The following XCL2 variants were observed in gnomAD, a reference collection of about 807,000 sequenced individuals.
XCL2 encodes the protein X-C motif chemokine ligand 2, also known as cytokine SCM-1 beta.
XCL2 carries 8 observed loss-of-function variants against 7.2 expected under a neutral mutation model. The ratio of observed to expected loss-of-function variants is 1.10; its 90% CI spans 0.65 to 1.99. The LOEUF (loss-of-function observed/expected upper bound fraction) is 1.99, where lower values mean the gene tolerates loss of function less well. Among genes scored for constraint, XCL2 ranks in the 30% most tolerant of loss-of-function variants. The pLI is 0.00. For synonymous variants in XCL2, 46 were observed against 54.2 expected (o/e 0.85, Z 0.67); for missense variants, 131 against 138.6 (o/e 0.94, Z 0.28).
At position 168,541,716 on chromosome 1, in the gene XCL2, A is replaced by G. The variant is rs149740232; in HGVS notation, c.176+277T>C. ...ATGAGCCAGCCATCTCTAAACCCAG[A>G]TCTCAGAGCTGTGCACAGTATTCAA... On this transcript the variant is annotated intron_variant, in intron 2 of 2. Transcript: ENST00000367819. 3.7e-3 allele frequency among the ~76,000 whole-genome samples: 557 copies of G among 152,254 alleles called. 3 individuals carry two copies. Among genetic ancestry groups the G allele is most frequent in the African/African-American group, 0.012 (505 of 41,548 alleles).
At chr1:168,541,520 A>G (rs1159864804) in intron 2 of XCL2, among the ~76,000 whole-genome samples, 1 of 152,134 alleles carries the variant, frequency 6.6e-6, no homozygotes, top group South Asian at 2.1e-4. Flanking sequence ...TGCAATATGT[A>G]TTGGGAAGAG....
chr1:168,541,006 G>A lies in XCL2; in HGVS notation c.291C>T (p.Thr97=). 6.2e-7 allele frequency: 1 copy of A among 1,613,630 alleles called. No homozygotes were observed. The highest frequency in any genetic ancestry group is 8.5e-7 in the Non-Finnish European group (1 of 1,179,708). The change falls in exon 3 of 3, where the codon ACC becomes ACT. Residue 97 remains threonine, a synonymous_variant. Coordinates refer to ENST00000367819, the MANE Select transcript of XCL2 (RefSeq NM_003175.4). ...KSNTRNNMIQ[T]KPTGTQQSTN... ...TCGATTGCTGGGTTCCTGTTGGCTT[G>A]GTCTGGATCATGTTATTTCTGGTGT...
intron 1 of XCL2, among the ~76,000 whole-genome samples, chr1:168,542,359 G>A (rs1480963203): frequency 1.3e-5 from 2 of 151,758 alleles, no homozygotes; most frequent in Admixed American, 6.6e-5. Context: ...ATAACAAGAT[G>A]TTATCCCGTC....
intron 2 of XCL2, 148 bp from the exon 3 acceptor site, chr1:168,541,268 C>T (rs1654275324): frequency 1.8e-6 from 2 of 1,131,910 alleles, no homozygotes; most frequent in African/African-American, 1.6e-5. Context: ...TAAATGAGCA[C>T]CCTTCTTCTG....
chr1:168,541,113 T>C lies in XCL2; in HGVS notation c.184A>G (p.Thr62Ala). 3 of 1,613,450 alleles carry C rather than the reference T, an allele frequency of 1.9e-6. No individual in the cohort carries two copies. Among genetic ancestry groups the C allele is most frequent in the Non-Finnish European group, 2.5e-6 (3 of 1,179,566 alleles). The change falls in exon 3 of 3, where the codon ACC becomes GCC. Residue 62 changes from threonine (T) to alanine (A), a missense_variant. By Grantham distance (58) the Thr-to-Ala change is moderately conservative. Coordinates refer to ENST00000367819, the MANE Select transcript of XCL2 (RefSeq NM_003175.4). ...EGSLRAVIFI[T>A]KRGLKVCADP... ...GCACAGACTTTTAGGCCACGTTTGG[T>C]AATAAAACTGTAACGCAAGGAAAAG...
chr1:168,543,321 G>T (rs1654331975), intron 1 of XCL2: 1 of 218,110 alleles, frequency 4.6e-6, no homozygotes, highest in Non-Finnish European at 9.2e-6. Flanking sequence ...GGGACATCCA[G>T]TCCACAGCAA....
chr1:168,543,342 C>T (rs563034392), intron 1 of XCL2: 8 of 204,416 alleles, frequency 3.9e-5, no homozygotes, highest in East Asian at 1.6e-4. Flanking sequence ...GCACTACTGT[C>T]GCCTTCACAC....
rs1314342696 is a variant in XCL2, at chr1:168,541,029, T to G, written c.268A>C (p.Thr90Pro). The G allele has an allele frequency of 3.7e-6, 6 of 1,613,540 alleles. No homozygotes were observed. Among genetic ancestry groups the G allele is most frequent in the Non-Finnish European group, 5.1e-6 (6 of 1,179,720 alleles). The change falls in exon 3 of 3, where the codon ACC (threonine) becomes CCC (proline). Residue 90 changes from threonine (T) to proline (P), a missense_variant. Thr to Pro is a conservative substitution (Grantham distance 38). Coordinates refer to ENST00000367819, the MANE Select transcript of XCL2 (RefSeq NM_003175.4). Reference sequence around the variant, plus strand: ...TTGGTCTGGATCATGTTATTTCTGGTGTTGGATTTCCTGTCCATGCTCCTG... The same window carrying G: ...TTGGTCTGGATCATGTTATTTCTGGGGTTGGATTTCCTGTCCATGCTCCTG... ...VVRSMDRKSNTRNNMIQTKPT... is the reference protein window; with the variant it reads ...VVRSMDRKSNPRNNMIQTKPT...
At chr1:168,543,214 T>C (rs940465200) in intron 1 of XCL2, 1 of 256,956 alleles carries the variant, frequency 3.9e-6, no homozygotes, top group Non-Finnish European at 7.3e-6. Flanking sequence ...TGATTGCACA[T>C]GGTGTGGACC....
chr1:168,541,319 A>G (rs1444185055), intron 2 of XCL2, among the ~76,000 whole-genome samples, 199 bp from the exon 3 acceptor site: 1 of 152,166 alleles, frequency 6.6e-6, no homozygotes, highest in Non-Finnish European at 1.5e-5. Context: ...TGCAAGTAGT[A>G]TCCAGCCCCT....
intron 1 of XCL2, among the ~76,000 whole-genome samples, chr1:168,542,510 T>C (rs372338318): frequency 6.6e-6 from 1 of 152,104 alleles, no homozygotes; most frequent in Non-Finnish European, 1.5e-5. Flanking sequence ...ATAGAGCATA[T>C]CTTCTCATGA....
At chr1:168,541,503 C>A (rs893870352) in intron 2 of XCL2, among the ~76,000 whole-genome samples, 1 of 151,926 alleles carries the variant, frequency 6.6e-6, no homozygotes, top group African/African-American at 2.4e-5. Context: ...TTCTTTAGAG[C>A]AAAGCTTGCA....
At chr1:168,541,951 C>G (rs1156758134) in intron 2 of XCL2, 42 bp downstream of exon 2, 1 of 1,600,670 alleles carries the variant, frequency 6.2e-7, no homozygotes, top group African/African-American at 1.3e-5. Context: ...TTCTATACCT[C>G]TAGGTACCCA....
At chr1:168,541,840 A>G (rs1328653183) in intron 2 of XCL2, among the ~76,000 whole-genome samples, 153 bp downstream of exon 2, 1 of 152,178 alleles carries the variant, frequency 6.6e-6, no homozygotes, top group Non-Finnish European at 1.5e-5. Flanking sequence ...GCAGAAAGAC[A>G]TGGTTGATAA....
chr1:168,543,943 G>A lies in XCL2; in HGVS notation c.22C>T (p.Leu8Phe). The A allele has an allele frequency of 6.2e-7, 1 of 1,609,782 alleles. No homozygotes were observed. Among genetic ancestry groups the A allele is most frequent in the East Asian group, 2.2e-5 (1 of 44,806 alleles). MRLLILA[L>F]LGICSLTAYI... ...GCAGTGAGAGAGCAGATGCCAAGGAGGGCCAGGATGAGAAGTCTCATGGCT... is the reference window on the plus strand; with the variant it reads ...GCAGTGAGAGAGCAGATGCCAAGGAAGGCCAGGATGAGAAGTCTCATGGCT... Residue 8 changes from leucine to phenylalanine, a missense_variant, in exon 1 of 3, where the codon CTC becomes TTC. Coordinates refer to ENST00000367819, the MANE Select transcript of XCL2 (RefSeq NM_003175.4).
chr1:168,540,968 A>G lies in XCL2; in HGVS notation c.329T>C (p.Val110Ala), dbSNP rs1353836799. Residue 110 changes from valine (V) to alanine (A), a missense_variant, in exon 3 of 3, where the codon GTG (valine) becomes GCG (alanine). Val to Ala is a moderately conservative substitution (Grantham distance 64). Transcript: ENST00000367819. ...CAGAGACTACTAGCCAGTCAGGGTC[A>G]CAGCTGTATTGGTCGATTGCTGGGT... ...TGTQQSTNTA[V>A]TLTG 17 of 1,613,512 alleles carry G rather than the reference A, an allele frequency of 1.1e-5. 1 individual carries two copies. The highest frequency in any genetic ancestry group is 3.3e-4 in the Middle Eastern group (2 of 6,076).
chr1:168,541,495 C>T (rs1371026406), intron 2 of XCL2, among the ~76,000 whole-genome samples: 2 of 151,948 alleles, frequency 1.3e-5, no homozygotes, highest in Non-Finnish European at 2.9e-5. Context: ...CATTTTCATT[C>T]TTTAGAGCAA....
At chr1:168,541,852 G>A (rs1654290377) in intron 2 of XCL2, 141 bp downstream of exon 2, 1 of 666,410 alleles carries the variant, frequency 1.5e-6, no homozygotes, top group Admixed American at 3.2e-5. Context: ...GGTTGATAAG[G>A]AAAACTAAAG....
intron 1 of XCL2, 74 bp downstream of exon 1, chr1:168,543,830 G>C (rs969151065): frequency 3.1e-6 from 5 of 1,603,540 alleles, no homozygotes; most frequent in Admixed American, 1.7e-5. Context: ...GTCAAAACCC[G>C]AGTCAAACCC....
Sources: allele counts gnomAD v4.1 joint callset (sites outside exome capture counted in the v4.1 genomes callset), GRCh38; gene constraint gnomAD v4.1.1; transcripts MANE v1.5; gene names NCBI Gene and HGNC (gene_info 2026-07-23, HGNC 2026-07-21).